HSPB8: variants seen among roughly 807,000 people sequenced by gnomAD.
The protein encoded by HSPB8 is heat shock protein family B (small) member 8.
In HSPB8, 9 loss-of-function variants were observed where a neutral mutation model predicts 16.5. The observed-to-expected ratio is 0.55, with a 90% CI of 0.33 to 0.95. The LOEUF is 0.95. Ranked by LOEUF, HSPB8 falls within the 40% of genes least tolerant of loss-of-function variation. HSPB8 has a pLI of 0.03. For synonymous variants in HSPB8, 99 were observed against 94.8 expected (o/e 1.04, Z -0.26); for missense variants, 238 against 251.2 (o/e 0.95, Z 0.35).
At chr12:119,186,269 A>T (rs1954675078) in intron 1 of HSPB8, among the ~76,000 whole-genome samples, 1 of 152,228 alleles carries the variant, frequency 6.6e-6, no homozygotes. Flanking sequence ...CAGTGCCCTT[A>T]GGAAAAGCTG....
intron 2 of HSPB8, among the ~76,000 whole-genome samples, chr12:119,188,244 TCTC>T (rs201912365): frequency 0.15 from 18,717 of 128,950 alleles, 1,449 homozygotes; most frequent in Non-Finnish European, 0.18. Flanking sequence ...TCTCTCTCTC[TCTC>T]TTTTTTTTTT....
intron 2 of HSPB8, among the ~76,000 whole-genome samples, chr12:119,189,295 T>G (rs1954696514): frequency 7.9e-6 from 1 of 126,566 alleles, no homozygotes; most frequent in Non-Finnish European, 1.6e-5. Flanking sequence ...TTAATCATCT[T>G]AAAAGGGGTG....
intron 1 of HSPB8, among the ~76,000 whole-genome samples, chr12:119,181,670 A>G (rs572250767): frequency 2.0e-5 from 3 of 152,324 alleles, no homozygotes; most frequent in South Asian, 2.1e-4. Context: ...GAAGGCCCCA[A>G]TAAATAATGA....
At chr12:119,189,457 A>G (rs1200032248) in intron 2 of HSPB8, among the ~76,000 whole-genome samples, 1 of 152,038 alleles carries the variant, frequency 6.6e-6, no homozygotes, top group Non-Finnish European at 1.5e-5. Flanking sequence ...AGTTGTTAAA[A>G]TATTCAGTGG....
chr12:119,179,716 C>G, intron 1 of HSPB8, 37 bp downstream of exon 1: 1 of 1,543,510 alleles, frequency 6.5e-7, no homozygotes, highest in Non-Finnish European at 8.7e-7. Context: ...AATGGGGAGG[C>G]CGGGATGTAG....
rs115007681 is a variant in HSPB8 at position 119,191,882 on chromosome 12, C to T, written c.432-1817C>T. ...TCCTATCTGCCATTTGCCAGCTGAGCAACCTTGGGCAAAGCAGTTCACTTC... is the reference window on the plus strand; with the variant it reads ...TCCTATCTGCCATTTGCCAGCTGAGTAACCTTGGGCAAAGCAGTTCACTTC... On this transcript the variant is annotated intron_variant, in intron 2 of 2. Coordinates refer to ENST00000281938, the MANE Select transcript of HSPB8 (RefSeq NM_014365.3). Among the ~76,000 whole-genome samples the T allele has an allele frequency of 6.1e-3, 929 of 152,242 alleles. 12 individuals carry two copies. The highest frequency in any genetic ancestry group is 0.021 in the African/African-American group (890 of 41,526).
intron 1 of HSPB8, among the ~76,000 whole-genome samples, chr12:119,184,414 AGGAT>A (rs1646061346): frequency 6.6e-6 from 1 of 152,194 alleles, no homozygotes; most frequent in Non-Finnish European, 1.5e-5. Flanking sequence ...GGAGGATTCT[AGGAT>A]GCAAAAGGGC....
chr12:119,191,849 A>G (rs1210084078), intron 2 of HSPB8, among the ~76,000 whole-genome samples: 3 of 152,164 alleles, frequency 2.0e-5, no homozygotes, highest in Admixed American at 6.5e-5. Context: ...CAGGATTCCA[A>G]TTCCATTTCC....
rs1444484992 is a variant in HSPB8, at chr12:119,189,512, T to C, written c.431+2424T>C. Among the ~76,000 whole-genome samples the C allele has an allele frequency of 3.9e-5, 6 of 152,168 alleles. No homozygotes were observed. The East Asian group carries it at 1.2e-3, about 30-fold the overall frequency. On this transcript the variant is annotated intron_variant, in intron 2 of 2. Transcript: ENST00000281938. ...CAGGGACCAGTTTCGTAGAAGGCAA[T>C]TTTTCCATGGACTGGGGAATGAAAC...
At chr12:119,183,803 C>A (rs1228974269) in intron 1 of HSPB8, among the ~76,000 whole-genome samples, 1 of 152,138 alleles carries the variant, frequency 6.6e-6, no homozygotes. Flanking sequence ...AATCTTGGAG[C>A]TTTCCCTGCT....
At chr12:119,187,001 A>G in intron 1 of HSPB8, 24 bp from the exon 2 acceptor site, 1 of 1,612,632 alleles carries the variant, frequency 6.2e-7, no homozygotes, top group South Asian at 1.1e-5. Context: ...AGATGCTGAC[A>G]CGCCACACTT....
chr12:119,188,067 A>G (rs1379566142), intron 2 of HSPB8, among the ~76,000 whole-genome samples: 1 of 152,142 alleles, frequency 6.6e-6, no homozygotes, highest in Non-Finnish European at 1.5e-5. Context: ...GCCATGAACC[A>G]AAGCCACCAC....
intron 1 of HSPB8, among the ~76,000 whole-genome samples, chr12:119,183,413 C>A (rs1184097222): frequency 6.6e-6 from 1 of 152,190 alleles, no homozygotes; most frequent in Non-Finnish European, 1.5e-5. Context: ...CTTATTTCCA[C>A]CCCTTCTCCT....
rs1227273871 is a variant in HSPB8 at position 119,179,263 on chromosome 12, G to T, written c.-50G>T. 2 of 1,596,194 alleles carry T rather than the reference G, an allele frequency of 1.3e-6. No individual in the cohort carries two copies. The highest frequency in any genetic ancestry group is 1.1e-5 in the South Asian group (1 of 90,836). ...CACCTTGTTGTGTGACCTTGGGCAG[G>T]TGGTTCTGTCTCTCTGAGCCTCTGT... On this transcript the variant is annotated 5_prime_UTR_variant, in exon 1 of 3. Transcript: ENST00000281938.
chr12:119,179,777 G>A (rs1954625493), intron 1 of HSPB8, 98 bp downstream of exon 1: 2 of 1,464,232 alleles, frequency 1.4e-6, no homozygotes, highest in Non-Finnish European at 1.8e-6. Context: ...CTGACGTTGG[G>A]ACAGTGTGAC....
intron 1 of HSPB8, among the ~76,000 whole-genome samples, chr12:119,182,636 C>T (rs1954646350): frequency 6.6e-6 from 1 of 151,562 alleles, no homozygotes; most frequent in African/African-American, 2.4e-5. Context: ...GAAATTCTGT[C>T]TCAAAAAAAA....
intron 1 of HSPB8, chr12:119,183,311 C>A (rs989391120): frequency 2.0e-5 from 3 of 152,248 alleles, no homozygotes; most frequent in Admixed American, 6.5e-5. Context: ...GATTCCCCTA[C>A]CCCCATCCTG....
intron 1 of HSPB8, among the ~76,000 whole-genome samples, chr12:119,181,298 G>A (rs1044706006): frequency 6.6e-6 from 1 of 152,154 alleles, no homozygotes; most frequent in African/African-American, 2.4e-5. Context: ...AGAGACATGA[G>A]ACATCAATCA....
rs115950956 is a variant in HSPB8, at chr12:119,189,763, C to T, written c.431+2675C>T. ...CACAGATGGGTGCCGGTCCATGATCCGGGGGATGGGGACCCCTGAATATTG... is the reference window on the plus strand; with the variant it reads ...CACAGATGGGTGCCGGTCCATGATCTGGGGGATGGGGACCCCTGAATATTG... On this transcript the variant is annotated intron_variant, in intron 2 of 2. Coordinates refer to ENST00000281938, the MANE Select transcript of HSPB8 (RefSeq NM_014365.3). Among the ~76,000 whole-genome samples, 961 of 152,226 alleles carry T rather than the reference C, an allele frequency of 6.3e-3. 14 individuals are homozygous for T. Among genetic ancestry groups the T allele is most frequent in the African/African-American group, 0.022 (916 of 41,558 alleles).
Sources: gnomAD v4.1 joint callset for allele counts (sites outside exome capture counted in the v4.1 genomes callset) on GRCh38, gnomAD v4.1.1 for gene constraint, MANE v1.5 for transcripts, NCBI Gene and HGNC (gene_info 2026-07-23, HGNC 2026-07-21) for gene names.